Variants in SHF observed in about 807,000 individuals in gnomAD.
SHF encodes the protein SH2 domain-containing adapter protein F.
Under a neutral mutation model 42.4 loss-of-function variants are expected in SHF, and 30 were observed. That is an observed-to-expected ratio of 0.71 (90% CI 0.53 to 0.96). The LOEUF (loss-of-function observed/expected upper bound fraction) is 0.96, where lower values mean the gene tolerates loss of function less well. SHF is among the 40% of genes least tolerant of loss of function. The pLI, the probability that SHF is intolerant of heterozygous loss-of-function variation, is 0.00. For missense variants in SHF, 598 were observed against 634.0 expected, an observed-to-expected ratio of 0.94 and a Z score of 0.61; for synonymous variants, 264 against 269.9, an observed-to-expected ratio of 0.98 and a Z score of 0.21.
intron 1 of SHF, among the ~76,000 whole-genome samples, chr15:45,184,461 C>CAGGAACCTCT (rs1286735435): frequency 6.6e-6 from 1 of 152,174 alleles, no homozygotes; most frequent in Non-Finnish European, 1.5e-5. Context: ...CAATTTCTGG[C>CAGGAACCTCT]GGTTCATGAA....
chr15:45,187,864 G>A lies in SHF; in HGVS notation c.88C>T (p.Arg30Trp), dbSNP rs1484940878. The A allele has an allele frequency of 3.8e-5, 43 of 1,134,550 alleles. No homozygotes were observed. Among genetic ancestry groups the A allele is most frequent in the Non-Finnish European group, 4.7e-5 (43 of 912,406 alleles). 70.3% of individuals were successfully genotyped at this position (1,134,550 alleles called of 1,614,324 possible). The change falls in exon 1 of 7, where the codon CGG becomes TGG. Residue 30 changes from arginine to tryptophan, a missense_variant. Arg to Trp is a moderately radical substitution (Grantham distance 101, BLOSUM62 -3). Around this residue, in one of 2 missense-constraint regions of SHF, gnomAD observed 159 missense variants for 109.3 expected, o/e 1.45. Transcript: ENST00000690270. ...SAGGGPGGSRRGAGGAGAGPG... is the reference protein window; with the variant it reads ...SAGGGPGGSRWGAGGAGAGPG... ...CCGGCTCCCGCACCCCCGGCGCCCC[G>A]GCGGGACCCCCCCGGGCCGCCCCCA...
intron 3 of SHF, 109 bp from the exon 4 acceptor site, chr15:45,173,825 T>A (rs999577700): frequency 3.1e-6 from 4 of 1,290,256 alleles, no homozygotes; most frequent in Non-Finnish European, 4.4e-6. Context: ...AGCCTAGAAA[T>A]GAGGAGGGGC....
chr15:45,186,019 T>G (rs1470242656), intron 1 of SHF, among the ~76,000 whole-genome samples: 1 of 152,226 alleles, frequency 6.6e-6, no homozygotes, highest in Non-Finnish European at 1.5e-5. Context: ...CTCAGGCCCA[T>G]GTTGCCTGTG....
At chr15:45,181,555 T>C (rs1898127841) in intron 1 of SHF, among the ~76,000 whole-genome samples, 1 of 152,226 alleles carries the variant, frequency 6.6e-6, no homozygotes, top group South Asian at 2.1e-4. Flanking sequence ...CTCACTACTG[T>C]ATCCTGCATC....
intron 6 of SHF, 120 bp from the exon 7 acceptor site, chr15:45,168,253 G>T (rs1897313083): frequency 1.0e-6 from 1 of 993,356 alleles, no homozygotes; most frequent in South Asian, 1.9e-5. Context: ...AGCTGAGAAT[G>T]ACAGGTGATT....
intron 6 of SHF, among the ~76,000 whole-genome samples, chr15:45,169,196 G>A (rs535224956): frequency 6.6e-6 from 1 of 152,348 alleles, no homozygotes; most frequent in Admixed American, 6.5e-5. Flanking sequence ...GAGAAGTGAG[G>A]CTGGCAATCC....
intron 2 of SHF, among the ~76,000 whole-genome samples, chr15:45,176,026 G>A (rs758048977): frequency 2.0e-5 from 3 of 151,818 alleles, no homozygotes; most frequent in Non-Finnish European, 2.9e-5. Context: ...CACCATGTTG[G>A]CCAGGCTGGT....
At position 45,172,071 on chromosome 15, in the gene SHF, G is replaced by T. The variant is rs1232863405; in HGVS notation, c.1161-69C>A. The T allele has an allele frequency of 1.9e-6, 3 of 1,613,890 alleles. No individual in the cohort carries two copies. The South Asian group carries it at 3.3e-5, about 18-fold the overall frequency. Reference sequence around the variant, plus strand: ...TCGCTGTCCAGGCCCACCCATTGTGGGTGTCCCCTGTAGGGAAGCCAGTGC... The same window carrying T: ...TCGCTGTCCAGGCCCACCCATTGTGTGTGTCCCCTGTAGGGAAGCCAGTGC... On this transcript the variant is annotated intron_variant, in intron 5 of 6. Coordinates refer to ENST00000690270, the MANE Select transcript of SHF (RefSeq NM_001394037.1).
chr15:45,187,715 AG>A lies in SHF; in HGVS notation c.236del (p.Pro79LeufsTer89). On this transcript the variant is annotated frameshift_variant, in exon 1 of 7. Transcript: ENST00000690270. LOFTEE classifies it high-confidence loss of function. Reference sequence around the variant, plus strand: ...CGGGGGGCGCGGCCGGAGAGGGCGCAGGGGGGCGGTAGTCGGGCTCGGGGGG... The same window carrying A: ...CGGGGGGCGCGGCCGGAGAGGGCGCAGGGGGCGGTAGTCGGGCTCGGGGGG... ...PAPPEPDYRP[P>X]APSPAAPPAP... is the part of the protein sequence containing the mutation. The A allele has an allele frequency of 6.7e-6, 7 of 1,050,968 alleles. No homozygotes were observed. Among genetic ancestry groups the A allele is most frequent in the South Asian group, 4.8e-5 (1 of 20,716 alleles). The allele number at this position is 1,050,968 out of a possible 1,614,324, so 65.1% of individuals were successfully genotyped here.
intron 4 of SHF, among the ~76,000 whole-genome samples, chr15:45,173,256 G>T (rs2085734066): frequency 6.6e-6 from 1 of 152,210 alleles, no homozygotes; most frequent in Admixed American, 6.5e-5. Flanking sequence ...CACACTTGCT[G>T]TGTCTGTCCC....
At chr15:45,199,159 G>T (rs749797742) in intron 1 of SHF, 28 of 1,396,596 alleles carry the variant, frequency 2.0e-5, no homozygotes, top group Middle Eastern at 2.5e-4. Flanking sequence ...TTCAGCAAAC[G>T]CATCTCCCCA....
chr15:45,195,374 G>A (rs1445211346), intron 2 of SHF, among the ~76,000 whole-genome samples: 1 of 152,108 alleles, frequency 6.6e-6, no homozygotes, highest in Non-Finnish European at 1.5e-5. Context: ...TTGCTCTCAT[G>A]GATAGTTTTA....
At chr15:45,200,478 T>C (rs1056115190) in intron 1 of SHF, 1 of 343,096 alleles carries the variant, frequency 2.9e-6, no homozygotes, top group East Asian at 7.4e-5. Flanking sequence ...CACTATACGA[T>C]CACGGCGAGC....
chr15:45,171,882 C>CT lies in SHF; in HGVS notation c.1280dup (p.Ser428GlufsTer32). On this transcript the variant is annotated frameshift_variant and splice_region_variant. Coordinates refer to ENST00000690270, the MANE Select transcript of SHF (RefSeq NM_001394037.1). LOFTEE classifies it high-confidence loss of function. ...CTGAAACCACAACTGTCCCCACTCA[C>CT]TTGAGGGAGAGGGAGAAGTCATTCT... The CT allele has an allele frequency of 4.3e-6, 7 of 1,612,830 alleles. No homozygotes were observed. Among genetic ancestry groups the CT allele is most frequent in the Non-Finnish European group, 5.9e-6 (7 of 1,179,564 alleles).
upstream of SHF, among the ~76,000 whole-genome samples, chr15:45,192,838 G>A (rs1898747834): frequency 6.6e-6 from 1 of 152,108 alleles, no homozygotes; most frequent in South Asian, 2.1e-4. Flanking sequence ...CCCACATTCT[G>A]GACTTTTCCA....
upstream of SHF, among the ~76,000 whole-genome samples, chr15:45,189,085 C>G (rs1310733389): frequency 6.7e-6 from 1 of 150,020 alleles, no homozygotes; most frequent in African/African-American, 2.5e-5. Flanking sequence ...CCCAGCTACT[C>G]GGGAGGCTGA....
rs1897532340 is a variant in SHF, at chr15:45,172,183, T to TC, written c.1123dup (p.Glu375GlyfsTer42). ...CAGAGGCAGTGCTGGATCTGTCCAC[T>TC]CCCCCAGGGGGCTGCTGGGCTCCAT... On this transcript the variant is annotated frameshift_variant, in exon 5 of 7. Coordinates refer to ENST00000690270, the MANE Select transcript of SHF (RefSeq NM_001394037.1). LOFTEE classifies it high-confidence loss of function. The TC allele has an allele frequency of 6.2e-7, 1 of 1,613,608 alleles. No homozygotes were observed. Among genetic ancestry groups the TC allele is most frequent in the South Asian group, 1.1e-5 (1 of 91,072 alleles).
upstream of SHF, among the ~76,000 whole-genome samples, chr15:45,190,653 A>G (rs1183723840): frequency 6.6e-6 from 1 of 152,202 alleles, no homozygotes; most frequent in African/African-American, 2.4e-5. Flanking sequence ...TGAGCTGGGT[A>G]GGATTTGGAC....
rs757360507 is a variant in SHF, at chr15:45,198,961, C to CAA, written c.113_114insTT (p.Ser39Ter). 7 of 1,613,790 alleles carry CAA rather than the reference C, an allele frequency of 4.3e-6. No homozygotes were observed. In the South Asian group the frequency reaches 7.7e-5, roughly 18 times the overall value. Reference sequence around the variant, plus strand: ...TCCAGGAATGGGGCTGGGCGGAACTCAGACTACCCTTGGGGGATGCCCGTT... The same window carrying CAA: ...TCCAGGAATGGGGCTGGGCGGAACTCAAAGACTACCCTTGGGGGATGCCCGTT... On this transcript the variant is annotated frameshift_variant, in exon 2 of 8. Transcript: ENST00000290894. LOFTEE classifies it high-confidence loss of function.
Sources: allele counts gnomAD v4.1 joint callset (sites outside exome capture counted in the v4.1 genomes callset), GRCh38; gene constraint gnomAD v4.1.1; regional missense constraint gnomAD v4.1.1; transcripts MANE v1.5; gene names NCBI Gene and HGNC (gene_info 2026-07-23, HGNC 2026-07-21).